The following KIF5C variants were observed in gnomAD, a reference collection of about 807,000 sequenced individuals.
KIF5C encodes kinesin family member 5C, also known as kinesin heavy chain isoform 5C.
A neutral mutation model predicts 125.2 loss-of-function variants in KIF5C; 18 were observed. The observed-to-expected ratio is 0.14, with a 90% CI of 0.10 to 0.21. KIF5C has a LOEUF of 0.21. Among genes scored for constraint, KIF5C ranks in the 10% least tolerant of loss-of-function variants. KIF5C has a pLI of 1.00. For missense variants in KIF5C, 780 were observed against 1,183.8 expected (o/e 0.66, Z 5.01); for synonymous variants, 405 against 434.0 (o/e 0.93, Z 0.83).
At position 148,983,847 on chromosome 2, in the gene KIF5C, A is replaced by G. The variant is rs1178432272; in HGVS notation, c.1716+81A>G. On this transcript the variant is annotated intron_variant, in intron 15 of 25. Transcript: ENST00000435030. ...TGTGCTTTACTCTTTTAAGCATTCA[A>G]TGCTTAGCACTGTGCTTTGCATCTG... The G allele has an allele frequency of 4.9e-6, 7 of 1,437,132 alleles. No homozygotes were observed. In the South Asian group the frequency reaches 6.9e-5, roughly 14 times the overall value. The allele number at this position is 1,437,132 out of a possible 1,614,324, so 89.0% of individuals were successfully genotyped here. A position where few individuals can be genotyped will look rare whatever the true frequency, so the allele number is the denominator to read the frequency against.
In KIF5C at chr2:149,011,807, G is replaced by A. The variant is rs555347058; in HGVS notation, c.*7+124G>A. 2.0e-5 allele frequency: 27 copies of A among 1,321,468 alleles called. No homozygotes were observed. In the South Asian group the frequency reaches 2.9e-4, roughly 14 times the overall value. The allele number at this position is 1,321,468 out of a possible 1,614,324, so 81.9% of individuals were successfully genotyped here. ...TCTGCTCTACTCCAGCACACACCCT[G>A]GGGGTTCCAGGTAAACAGAGACCCA... On this transcript the variant is annotated intron_variant, in intron 25 of 25. Transcript: ENST00000435030.
chr2:149,005,693 C>T (rs1043560261), intron 22 of KIF5C, among the ~76,000 whole-genome samples: 1 of 152,228 alleles, frequency 6.6e-6, no homozygotes, highest in African/African-American at 2.4e-5. Flanking sequence ...AATACTTTCT[C>T]TGGCCTTCAT....
chr2:149,000,536 C>T lies in KIF5C; in HGVS notation c.2312+12C>T. ...CTGGAAAAGCTCTTGTGAGTGCACT[C>T]TAAATATTTCCTCTATTTTCTCTCA... On this transcript the variant is annotated intron_variant, in intron 20 of 25. Coordinates refer to ENST00000435030, the MANE Select transcript of KIF5C (RefSeq NM_004522.3). The T allele has an allele frequency of 1.3e-6, 2 of 1,551,314 alleles. No homozygotes were observed. Among genetic ancestry groups the T allele is most frequent in the South Asian group, 1.2e-5 (1 of 83,618 alleles).
chr2:148,902,014 A>C (rs893550764), intron 1 of KIF5C, among the ~76,000 whole-genome samples: 2 of 152,274 alleles, frequency 1.3e-5, no homozygotes, highest in Non-Finnish European at 2.9e-5. Flanking sequence ...GCCCCTCCCG[A>C]GGGTGGACTG....
At chr2:149,022,769 C>A (rs1682568940) in intron 25 of KIF5C, among the ~76,000 whole-genome samples, 1 of 152,064 alleles carries the variant, frequency 6.6e-6, no homozygotes, top group African/African-American at 2.4e-5. Flanking sequence ...ACTAAAAATA[C>A]AAAAATTAGC....
rs1021986981 is a variant in KIF5C at position 148,957,599 on chromosome 2, A to C, written c.969-4372A>C. Among the ~76,000 whole-genome samples the C allele has an allele frequency of 9.2e-5, 10 of 108,624 alleles. No individual in the cohort carries two copies. The South Asian group carries it at 2.7e-3, about 30-fold the overall frequency. The allele number at this position is 108,624 out of a possible 152,430, so 71.3% of individuals were successfully genotyped here. A position where few individuals can be genotyped will look rare whatever the true frequency, so the allele number is the denominator to read the frequency against. ...GGAGAATGTTTGTTCTAGTAAAAAA[A>C]AAAAAAAAAAAAAAAAAACAATAAA... On this transcript the variant is annotated intron_variant, in intron 10 of 25. Coordinates refer to ENST00000435030, the MANE Select transcript of KIF5C (RefSeq NM_004522.3).
intron 10 of KIF5C, among the ~76,000 whole-genome samples, chr2:148,952,782 A>G (rs1159299486): frequency 6.6e-6 from 1 of 152,188 alleles, no homozygotes; most frequent in Non-Finnish European, 1.5e-5. Flanking sequence ...ACCTAGCACA[A>G]GGGCTGGCAT....
intron 1 of KIF5C, among the ~76,000 whole-genome samples, chr2:148,897,766 A>G (rs1247296205): frequency 6.6e-6 from 1 of 151,766 alleles, no homozygotes; most frequent in Admixed American, 6.6e-5. Flanking sequence ...TAAAAATACA[A>G]AAATTAGCTG....
chr2:149,016,220 T>C lies in KIF5C; in HGVS notation c.*7+4537T>C, dbSNP rs1220582753. ...CAAGTAAATGAAGGTGTTGAAGCTG[T>C]GGGCAACTTAGATTGTAGCCTAGTG... On this transcript the variant is annotated intron_variant, in intron 25 of 25. Transcript: ENST00000435030. Among the ~76,000 whole-genome samples, 7 of 152,136 alleles carry C rather than the reference T, an allele frequency of 4.6e-5. No homozygotes were observed. The East Asian group carries it at 1.3e-3, about 29-fold the overall frequency.
rs753097896 is a variant in KIF5C, at chr2:148,875,606, C to G, written c.-12C>G. The G allele has an allele frequency of 3.4e-6, 5 of 1,489,710 alleles. No individual in the cohort carries two copies. The highest frequency in any genetic ancestry group is 4.6e-6 in the Non-Finnish European group (5 of 1,098,454). The allele number at this position is 1,489,710 out of a possible 1,614,324, so 92.3% of individuals were successfully genotyped here. ...CACCCATCCCCGTGCCCCCTCCCTA[C>G]CGCCGGCCGAGATGGCGGATCCAGC... On this transcript the variant is annotated 5_prime_UTR_variant, in exon 1 of 26. Transcript: ENST00000435030.
chr2:148,955,194 A>G (rs1373740801), intron 10 of KIF5C, among the ~76,000 whole-genome samples: 1 of 152,162 alleles, frequency 6.6e-6, no homozygotes, highest in Non-Finnish European at 1.5e-5. Flanking sequence ...GGTGTTTTAG[A>G]TGGGAACTAG....
chr2:148,902,474 G>T (rs564341291), intron 1 of KIF5C, among the ~76,000 whole-genome samples: 1 of 152,088 alleles, frequency 6.6e-6, no homozygotes, highest in African/African-American at 2.4e-5. Flanking sequence ...ACGCCACCAC[G>T]CCCAGATAAT....
intron 11 of KIF5C, among the ~76,000 whole-genome samples, chr2:148,962,602 G>C (rs952456577): frequency 6.6e-6 from 1 of 152,082 alleles, no homozygotes; most frequent in African/African-American, 2.4e-5. Flanking sequence ...TGTTTTCTTA[G>C]TCCCTAACAC....
intron 10 of KIF5C, among the ~76,000 whole-genome samples, chr2:148,951,601 T>C (rs1359752984): frequency 1.3e-5 from 2 of 152,144 alleles, no homozygotes; most frequent in African/African-American, 4.8e-5. Context: ...TCTGAACATC[T>C]TCAGTGCTCA....
intron 18 of KIF5C, chr2:148,997,567 A>T (rs1681714016): frequency 4.4e-6 from 3 of 688,558 alleles, no homozygotes. Context: ...TTGCGTTAAT[A>T]CCTTTGTCTT....
At chr2:148,938,754 G>C (rs1032434542) in intron 4 of KIF5C, among the ~76,000 whole-genome samples, 2 of 152,086 alleles carry the variant, frequency 1.3e-5, no homozygotes, top group Non-Finnish European at 1.5e-5. Context: ...TAGTGCACCA[G>C]GCCCATCTGT....
intron 21 of KIF5C, among the ~76,000 whole-genome samples, chr2:149,002,039 C>T (rs1161480607): frequency 6.6e-6 from 1 of 152,196 alleles, no homozygotes; most frequent in African/African-American, 2.4e-5. Context: ...GCCTTTGGAG[C>T]ATGGAGGAGG....
intron 25 of KIF5C, among the ~76,000 whole-genome samples, chr2:149,015,567 T>C (rs1574840031): frequency 6.6e-6 from 1 of 152,224 alleles, no homozygotes; most frequent in East Asian, 1.9e-4. Flanking sequence ...ATAGCCATAA[T>C]GAGTATTTTG....
chr2:148,976,549 T>C (rs1348402777), intron 12 of KIF5C, among the ~76,000 whole-genome samples: 2 of 151,348 alleles, frequency 1.3e-5, no homozygotes, highest in Non-Finnish European at 1.5e-5. Flanking sequence ...ATTTCAGGCC[T>C]GAGCCACCAC....
Sources: allele counts gnomAD v4.1 joint callset (sites outside exome capture counted in the v4.1 genomes callset), GRCh38; gene constraint gnomAD v4.1.1; transcripts MANE v1.5; gene names NCBI Gene and HGNC (gene_info 2026-07-23, HGNC 2026-07-21).